KY: variants seen among roughly 807,000 people sequenced by gnomAD.
KY encodes kyphoscoliosis peptidase.
In KY, 43 loss-of-function variants were observed where a neutral mutation model predicts 76.1. The ratio of observed to expected loss-of-function variants is 0.57; its 90% CI spans 0.44 to 0.73. KY has a LOEUF of 0.73. Ranked by LOEUF, KY falls within the 30% of genes least tolerant of loss-of-function variation. KY has a pLI of 0.00. For missense variants in KY, 722 were observed against 828.9 expected (o/e 0.87, Z 1.58); for synonymous variants, 277 against 326.2 (o/e 0.85, Z 1.63).
At chr3:134,640,311 C>T (rs921139470) in intron 3 of KY, among the ~76,000 whole-genome samples, 7 of 152,212 alleles carry the variant, frequency 4.6e-5, no homozygotes, top group African/African-American at 1.7e-4. Flanking sequence ...TTAAGCCCAC[C>T]GCTTTCGAGA....
At position 134,604,074 on chromosome 3, in the gene KY, G is replaced by A. The variant is rs142832129; in HGVS notation, c.1491C>T (p.His497=). 5.3e-4 allele frequency: 855 copies of A among 1,613,742 alleles called. 6 individuals carry two copies. In the East Asian group the frequency reaches 0.014, roughly 26 times the overall value. Reference sequence around the variant, plus strand: ...CCTCAGTGATGGGGCCATCATCCCCGTGGAGGGAAGCCAGGACATTAATGC... The same window carrying A: ...CCTCAGTGATGGGGCCATCATCCCCATGGAGGGAAGCCAGGACATTAATGC... ...EEGINVLASL[H]GDDGPITEET... Residue 497 remains histidine, a synonymous_variant, in exon 11 of 11, where the codon CAC becomes CAT. Coordinates refer to ENST00000423778, the MANE Select transcript of KY (RefSeq NM_178554.6).
rs1958976748 is a variant in KY, at chr3:134,601,731, C to T, written c.*1848G>A. 6.6e-6 allele frequency among the ~76,000 whole-genome samples: 1 copy of T among 152,196 alleles called. No individual in the cohort carries two copies. The highest frequency in any genetic ancestry group is 2.4e-5 in the African/African-American group (1 of 41,458). On this transcript the variant is annotated 3_prime_UTR_variant, in exon 11 of 11. Transcript: ENST00000423778. ...CCCCAGGGGAGACACCCCTTTTGCT[C>T]GAGGCCGCCGGCCTGTTGGATGATG...
Position 134,610,315 on chromosome 3 carries a change from C to T in KY, c.779G>A (p.Ser260Asn), listed in dbSNP as rs984121143. The change falls in exon 9 of 11, where the codon AGC (serine) becomes AAC (asparagine). Residue 260 changes from serine (S) to asparagine (N), a missense_variant. Ser to Asn is a conservative substitution (Grantham distance 46). This residue lies in a region of KY where 552 missense variants were observed against 680.9 expected (regional missense o/e 0.81). Coordinates refer to ENST00000423778, the MANE Select transcript of KY (RefSeq NM_178554.6). ...GGCATGGTCAAACTCCCCCGAGAAG[C>T]TCTGCCCTGTCTGGTAGCCGAAACC... ...SKGFGYQTGQ[S>N]FSGEFDHAWN... 1 of 1,613,916 alleles carries T rather than the reference C, an allele frequency of 6.2e-7. No individual in the cohort carries two copies. The highest frequency in any genetic ancestry group is 8.5e-7 in the Non-Finnish European group (1 of 1,179,884).
intron 3 of KY, among the ~76,000 whole-genome samples, chr3:134,640,205 C>T (rs561661846): frequency 7.1e-6 from 1 of 141,718 alleles, no homozygotes; most frequent in African/African-American, 2.5e-5. Context: ...TCAGACTGCA[C>T]ATTGAGGGTG....
intron 9 of KY, among the ~76,000 whole-genome samples, chr3:134,609,258 G>A (rs897326870): frequency 1.2e-4 from 18 of 152,160 alleles, no homozygotes; most frequent in African/African-American, 3.6e-4. Flanking sequence ...CTGTGCTGGC[G>A]GGGACCTTTT....
chr3:134,640,146 A>G (rs557563279), intron 3 of KY, among the ~76,000 whole-genome samples: 1 of 146,062 alleles, frequency 6.8e-6, no homozygotes, highest in Non-Finnish European at 1.5e-5. Context: ...GAGGCTGAGG[A>G]GGAGAGAAAA....
intron 10 of KY, among the ~76,000 whole-genome samples, chr3:134,605,817 G>A (rs1473177942): frequency 2.0e-5 from 3 of 152,038 alleles, no homozygotes; most frequent in African/African-American, 4.8e-5. Context: ...CTTCCTCTGA[G>A]TACTCTCCCC....
At chr3:134,630,897 C>T (rs766855726) in intron 3 of KY, among the ~76,000 whole-genome samples, 2 of 151,648 alleles carry the variant, frequency 1.3e-5, no homozygotes, top group Non-Finnish European at 2.9e-5. Flanking sequence ...AAAGTATCAG[C>T]GATAAAAAAG....
chr3:134,641,572 C>A (rs1159792931), intron 3 of KY, among the ~76,000 whole-genome samples: 1 of 152,174 alleles, frequency 6.6e-6, no homozygotes, highest in Non-Finnish European at 1.5e-5. Context: ...GCTGGCCCGG[C>A]TGACACTTTG....
At position 134,629,638 on chromosome 3, in the gene KY, T is replaced by A; in HGVS notation, c.320A>T (p.Lys107Met). Residue 107 changes from lysine to methionine, a missense_variant, in exon 4 of 11, where the codon AAG becomes ATG. By Grantham distance (95) the Lys-to-Met change is moderately conservative (BLOSUM62 -1). This residue lies in a region of KY where 170 missense variants were observed against 148.1 expected (regional missense o/e 1.15). Transcript: ENST00000423778. ...ATACATACGTTTAGCCAAGGAGAAC[T>A]TCTTGAGCAGCTGGGGCATGGCATC... ...PRDAMPQLLK[K>M]FSLAKRLQGD... is the part of the protein sequence containing the mutation. 6.2e-7 allele frequency: 1 copy of A among 1,601,398 alleles called. No homozygotes were observed. Among genetic ancestry groups the A allele is most frequent in the Non-Finnish European group, 8.5e-7 (1 of 1,173,770 alleles).
chr3:134,608,105 G>T (rs1313365376), intron 10 of KY: 1 of 1,126,772 alleles, frequency 8.9e-7, no homozygotes, highest in Non-Finnish European at 1.1e-6. Flanking sequence ...GACCCATGTT[G>T]CTCCCCATCC....
In KY at chr3:134,630,619, A is replaced by C. The variant is rs748862316; in HGVS notation, c.263-924T>G. On this transcript the variant is annotated intron_variant, in intron 3 of 10. Coordinates refer to ENST00000423778, the MANE Select transcript of KY (RefSeq NM_178554.6). The stretch of plus-strand genomic sequence containing the variant: ...TGCATGCATAGATCTCATCCTAAAC[A>C]TCATACCACAGTCTTCAGGAAGTAA... Among the ~76,000 whole-genome samples, 11 of 152,352 alleles carry C rather than the reference A, an allele frequency of 7.2e-5. 1 individual carries two copies. Among genetic ancestry groups the C allele is most frequent in the Non-Finnish European group, 1.3e-4 (9 of 68,034 alleles).
chr3:134,642,472 C>T lies in KY; in HGVS notation c.262+844G>A, dbSNP rs1965885358. On this transcript the variant is annotated intron_variant, in intron 3 of 10. Transcript: ENST00000423778. The stretch of plus-strand genomic sequence containing the variant: ...GCGTGAGAGTCTCTAACCTGGCCTC[C>T]TGTCACCATTGCTGTGGGGCCCTCC... Among the ~76,000 whole-genome samples the T allele has an allele frequency of 2.0e-5, 3 of 152,210 alleles. No individual in the cohort carries two copies. The South Asian group carries it at 6.2e-4, about 31-fold the overall frequency.
rs200174527 is a variant in KY, at chr3:134,608,770, G to A, written c.969C>T (p.Asn323=). The part of the protein sequence containing the change: ...FIEDHFPDNK[N]WQLLKPPQSL... ...ATTGAGGAGGTTTTAGCAGCTGCCA[G>A]TTCTTGTTGTCTGGGAAGTGGTCCT... is the stretch of plus-strand genomic sequence containing the variant. The change falls in exon 10 of 11, where the codon AAC becomes AAT. Residue 323 remains asparagine, a synonymous_variant. Transcript: ENST00000423778. 107 of 1,613,938 alleles carry A rather than the reference G, an allele frequency of 6.6e-5. No homozygotes were observed. In the Middle Eastern group the frequency reaches 8.2e-4, roughly 12 times the overall value.
chr3:134,601,043 G>A lies in KY; in HGVS notation c.*2536C>T, dbSNP rs1326276195. 1 of 152,210 alleles carries A rather than the reference G, an allele frequency of 6.6e-6. No homozygotes were observed. The highest frequency in any genetic ancestry group is 1.5e-5 in the Non-Finnish European group (1 of 68,050). The allele number at this position is 152,210 out of a possible 1,614,324, so 9.4% of individuals were successfully genotyped here. On this transcript the variant is annotated 3_prime_UTR_variant, in exon 11 of 11. Coordinates refer to ENST00000423778, the MANE Select transcript of KY (RefSeq NM_178554.6). ...CTGGGGGCGCCCGTGCCATTCCGCC[G>A]GCGACTGGGACTCGTCGCCCGGGAA...
At chr3:134,647,559 G>C (rs1966583990) in intron 1 of KY, 62 bp from the exon 2 acceptor site, 1 of 1,000,586 alleles carries the variant, frequency 1.0e-6, no homozygotes, top group Non-Finnish European at 1.6e-6. Flanking sequence ...TGTACCAGTT[G>C]CAGACTTATC....
rs1429705015 is a variant in KY, at chr3:134,610,269, C to A, written c.825G>T (p.Glu275Asp). The A allele has an allele frequency of 6.2e-7, 1 of 1,613,850 alleles. No individual in the cohort carries two copies. Among genetic ancestry groups the A allele is most frequent in the African/African-American group, 1.3e-5 (1 of 74,938 alleles). The stretch of plus-strand genomic sequence containing the variant: ...TGCTGTCCACCAGGTGCCATCTTCC[C>A]TCCAGGTACACAGCATTCCAGGCAT... The part of the protein sequence containing the change: ...FDHAWNAVYL[E>D]GRWHLVDSTW... Residue 275 changes from glutamate (E) to aspartate (D), a missense_variant, in exon 9 of 11, where the codon GAG becomes GAT. By Grantham distance (45) the Glu-to-Asp change is conservative. Coordinates refer to ENST00000423778, the MANE Select transcript of KY (RefSeq NM_178554.6).
chr3:134,628,470 A>G (rs1263261104), intron 4 of KY, among the ~76,000 whole-genome samples: 2 of 152,210 alleles, frequency 1.3e-5, no homozygotes, highest in Admixed American at 6.5e-5. Context: ...ATGCCAAGGC[A>G]GGTAGTTTTA....
intron 6 of KY, 108 bp from the exon 7 acceptor site, chr3:134,620,965 T>C: frequency 1.4e-6 from 1 of 713,388 alleles, no homozygotes. Context: ...GCAGAGAAGC[T>C]GGAGGAGAGG....
Sources: allele counts gnomAD v4.1 joint callset (sites outside exome capture counted in the v4.1 genomes callset), GRCh38; gene constraint gnomAD v4.1.1; regional missense constraint gnomAD v4.1.1; transcripts MANE v1.5; gene names NCBI Gene and HGNC (gene_info 2026-07-23, HGNC 2026-07-21).